The following RUBCN variants were observed in gnomAD, a reference collection of about 807,000 sequenced individuals.
RUBCN encodes the protein run domain Beclin-1-interacting and cysteine-rich domain-containing protein.
Under a neutral mutation model 113.2 loss-of-function variants are expected in RUBCN, and 74 were observed. That is an observed-to-expected ratio of 0.65 (90% confidence interval 0.54 to 0.79). RUBCN has a LOEUF of 0.79. RUBCN is among the 30% of genes least tolerant of loss of function. The pLI is 0.00. For missense variants in RUBCN, 1,109 were observed against 1,251.7 expected (o/e 0.89, Z 1.72); for synonymous variants, 480 against 490.0 (o/e 0.98, Z 0.27).
chr3:197,672,191 T>C lies in RUBCN; in HGVS notation c.*2827A>G, dbSNP rs1273077173. The C allele has an allele frequency of 6.6e-6, 1 of 152,188 alleles. No homozygotes were observed. The highest frequency in any genetic ancestry group is 1.5e-5 in the Non-Finnish European group (1 of 68,018). 9.4% of individuals were successfully genotyped at this position (152,188 alleles called of 1,614,324 possible). ...AACGTCAAAAACAGCCTCATTTAAGTGGAAAATATTTGTCTTCCACTCTTC... is the reference window on the plus strand; with the variant it reads ...AACGTCAAAAACAGCCTCATTTAAGCGGAAAATATTTGTCTTCCACTCTTC... On this transcript the variant is annotated 3_prime_UTR_variant, in exon 20 of 20. Coordinates refer to ENST00000296343, the MANE Select transcript of RUBCN (RefSeq NM_014687.4).
chr3:197,676,717 T>A (rs1328558108), intron 18 of RUBCN, 168 bp downstream of exon 18: 1 of 1,478,360 alleles, frequency 6.8e-7, no homozygotes, highest in Non-Finnish European at 8.9e-7. Flanking sequence ...TCAGGATGAT[T>A]TGGCTGCTCT....
At chr3:197,722,194 C>T (rs1458095500) in intron 1 of RUBCN, among the ~76,000 whole-genome samples, 3 of 151,044 alleles carry the variant, frequency 2.0e-5, no homozygotes. Flanking sequence ...GCTGGGATTG[C>T]ACCACTGCAC....
At chr3:197,701,434 T>C (rs1448585505) in intron 6 of RUBCN, among the ~76,000 whole-genome samples, 2 of 152,306 alleles carry the variant, frequency 1.3e-5, no homozygotes, top group South Asian at 2.1e-4. Context: ...TAGTACATGA[T>C]TGGCAATCAT....
chr3:197,689,805 T>A (rs562063757), intron 11 of RUBCN, among the ~76,000 whole-genome samples: 2 of 152,342 alleles, frequency 1.3e-5, no homozygotes, highest in South Asian at 4.1e-4. Context: ...CATTTATCAT[T>A]TCTCTGTGTT....
At chr3:197,693,194 C>T (rs1425905239) in intron 11 of RUBCN, among the ~76,000 whole-genome samples, 1 of 152,208 alleles carries the variant, frequency 6.6e-6, no homozygotes, top group Non-Finnish European at 1.5e-5. Context: ...ACCACCACCA[C>T]CACCACCAAT....
At chr3:197,736,517 C>T (rs184707760) in intron 1 of RUBCN, 138 bp downstream of exon 1, 91 of 491,012 alleles carry the variant, frequency 1.9e-4, no homozygotes, top group African/African-American at 1.8e-3. Flanking sequence ...CGAAATGCTT[C>T]CCAAACAAGT....
At chr3:197,730,354 GAGTC>G (rs1465408089) in intron 1 of RUBCN, among the ~76,000 whole-genome samples, 1 of 152,112 alleles carries the variant, frequency 6.6e-6, no homozygotes, top group African/African-American at 2.4e-5. Flanking sequence ...AGTCCAAAAA[GAGTC>G]AGCCCCGGGA....
chr3:197,700,111 T>C (rs1281334203), intron 7 of RUBCN, among the ~76,000 whole-genome samples: 4 of 152,178 alleles, frequency 2.6e-5, no homozygotes, highest in Non-Finnish European at 5.9e-5. Flanking sequence ...CCTGAATCAG[T>C]GATGCGGCCG....
chr3:197,701,569 A>G (rs1723673425), intron 6 of RUBCN, 139 bp downstream of exon 6: 1 of 731,950 alleles, frequency 1.4e-6, no homozygotes, highest in Non-Finnish European at 2.4e-6. Context: ...TAGTCACTAT[A>G]TAACTTGTAA....
intron 16 of RUBCN, among the ~76,000 whole-genome samples, chr3:197,679,546 T>TCTAA (rs1404462160): frequency 2.6e-4 from 36 of 138,372 alleles, no homozygotes; most frequent in African/African-American, 4.7e-4. Flanking sequence ...TGTCCTACGC[T>TCTAA]CTGACAACTG....
rs199671478 is a variant in RUBCN, at chr3:197,694,491, A to G, written c.1568T>C (p.Val523Ala). 409 of 1,614,072 alleles carry G rather than the reference A, an allele frequency of 2.5e-4. No homozygotes were observed. The African/African-American group carries it at 4.7e-3, about 19-fold the overall frequency. ...CTCTCTATCACTGTCTTCCTCTTCC[A>G]CTTCCTCCTCCTCTAGGCACTGGCT... ...MMSQCLEEEE[V>A]EEEDSDREIQ... Residue 523 changes from valine (V) to alanine (A), a missense_variant, in exon 10 of 20, where the codon GTG becomes GCG. This residue lies in a region of RUBCN where 736 missense variants were observed against 779.6 expected (regional missense o/e 0.94). Coordinates refer to ENST00000296343, the MANE Select transcript of RUBCN (RefSeq NM_014687.4).
At position 197,736,579 on chromosome 3, in the gene RUBCN, G is replaced by C. The variant is rs564078380; in HGVS notation, c.65+76C>G. On this transcript the variant is annotated intron_variant, in intron 1 of 19. Transcript: ENST00000296343. ...CGTCGCGCCCGGCCCTTCTCTCCGTGACCCCGCGCCCTCCCAAGCCTCCCG... is the reference window on the plus strand; with the variant it reads ...CGTCGCGCCCGGCCCTTCTCTCCGTCACCCCGCGCCCTCCCAAGCCTCCCG... 1.5e-3 allele frequency: 2,174 copies of C among 1,441,284 alleles called. 3 individuals carry two copies. Among genetic ancestry groups the C allele is most frequent in the Non-Finnish European group, 1.9e-3 (2,044 of 1,062,954 alleles). The allele number at this position is 1,441,284 out of a possible 1,614,324, so 89.3% of individuals were successfully genotyped here. A position where few individuals can be genotyped will look rare whatever the true frequency, so the allele number is the denominator to read the frequency against.
intron 3 of RUBCN, 50 bp downstream of exon 3, chr3:197,705,042 A>G: frequency 7.1e-7 from 1 of 1,403,876 alleles, no homozygotes; most frequent in Non-Finnish European, 1.0e-6. Context: ...AGCCTCAAAC[A>G]GTGAAGACCC....
chr3:197,745,444 T>C (rs918672266), intron 1 of RUBCN, among the ~76,000 whole-genome samples: 29 of 150,578 alleles, frequency 1.9e-4, no homozygotes, highest in African/African-American at 6.6e-4. Flanking sequence ...GGTGAAACAC[T>C]GTCTCTACTA....
rs1444766541 is a variant in RUBCN at position 197,681,283 on chromosome 3, G to A, written c.2276C>T (p.Pro759Leu). 1 of 1,614,166 alleles carries A rather than the reference G, an allele frequency of 6.2e-7. No individual in the cohort carries two copies. The highest frequency in any genetic ancestry group is 1.1e-5 in the South Asian group (1 of 91,068). The change falls in exon 16 of 20, where the codon CCC becomes CTC. Residue 759 changes from proline to leucine, a missense_variant. Physicochemically the swap from Pro to Leu is moderately conservative, Grantham distance 98. Coordinates refer to ENST00000296343, the MANE Select transcript of RUBCN (RefSeq NM_014687.4). The surrounding 1 kb of genome is among the most constrained non-coding windows in gnomAD (Gnocchi z 5.5). ...GTCCCACTTGCGCAGAACCCGGCTG[G>A]GGATGGCCATCTGGGCATTCTCGTG... ...CCHENAQMAI[P>L]SRVLRKWDFS...
chr3:197,737,573 C>T (rs938759056), upstream of RUBCN, among the ~76,000 whole-genome samples: 12 of 152,050 alleles, frequency 7.9e-5, no homozygotes, highest in African/African-American at 2.9e-4. Context: ...AAGGAGTGAG[C>T]AGCAGCATGG....
intron 7 of RUBCN, chr3:197,699,303 G>T: frequency 8.5e-7 from 1 of 1,174,732 alleles, no homozygotes. Flanking sequence ...GAAAAAAAGT[G>T]TCCTAAATTT....
chr3:197,706,411 G>A (rs769318060), intron 2 of RUBCN, among the ~76,000 whole-genome samples: 2 of 152,150 alleles, frequency 1.3e-5, no homozygotes, highest in Non-Finnish European at 1.5e-5. Flanking sequence ...GGCCAGGCAC[G>A]ATGGTTCATG....
chr3:197,730,915 T>C (rs1273836116), intron 1 of RUBCN, among the ~76,000 whole-genome samples: 1 of 139,818 alleles, frequency 7.2e-6, no homozygotes, highest in African/African-American at 2.7e-5. Context: ...TTTTTTTTTT[T>C]ACAGTTTCAA....
Sources: allele counts gnomAD v4.1 joint callset (sites outside exome capture counted in the v4.1 genomes callset), GRCh38; gene constraint gnomAD v4.1.1; regional missense constraint gnomAD v4.1.1; non-coding constraint Gnocchi (gnomAD v3.1); transcripts MANE v1.5; gene names NCBI Gene and HGNC (gene_info 2026-07-23, HGNC 2026-07-21).